ADAM19: variants seen among roughly 807,000 people sequenced by gnomAD.
The protein encoded by ADAM19 is ADAM metallopeptidase domain 19, also known as disintegrin and metalloproteinase domain-containing protein 19.
ADAM19 carries 65 observed loss-of-function variants against 114.7 expected under a neutral mutation model. The observed-to-expected ratio is 0.57, with a 90% CI of 0.46 to 0.70. The LOEUF (loss-of-function observed/expected upper bound fraction) is 0.70. Ranked by LOEUF, ADAM19 falls within the 30% of genes least tolerant of loss-of-function variation. The pLI, the probability that ADAM19 is intolerant of heterozygous loss-of-function variation, is 0.00. For missense variants in ADAM19, 1,063 were observed against 1,204.7 expected, an observed-to-expected ratio of 0.88 and a Z score of 1.74; for synonymous variants, 466 against 460.5, an observed-to-expected ratio of 1.01 and a Z score of -0.15.
chr5:157,557,595 C>T (rs147835301), intron 3 of ADAM19, among the ~76,000 whole-genome samples: 1 of 152,232 alleles, frequency 6.6e-6, no homozygotes, highest in East Asian at 1.9e-4. Flanking sequence ...AACAGCATAA[C>T]CTGGGTAGCA....
intron 3 of ADAM19, among the ~76,000 whole-genome samples, chr5:157,549,595 T>G (rs901535841): frequency 7.2e-5 from 11 of 152,234 alleles, no homozygotes; most frequent in African/African-American, 2.2e-4. Flanking sequence ...TCTTCCCCAG[T>G]CACAAATTCC....
rs1754681175 is a variant in ADAM19, at chr5:157,479,348, C to T, written c.*1601G>A. 2.0e-6 allele frequency: 2 copies of T among 986,042 alleles called. No homozygotes were observed. The highest frequency in any genetic ancestry group is 2.4e-6 in the Non-Finnish European group (2 of 830,114). 61.1% of individuals were successfully genotyped at this position (986,042 alleles called of 1,614,324 possible). A position where few individuals can be genotyped will look rare whatever the true frequency, so the allele number is the denominator to read the frequency against. ...TGGGGTGGTGAATCAGAAGCTCAGC[C>T]TCAGCCTTGCAGTGAGGTTTTCAAG... On this transcript the variant is annotated 3_prime_UTR_variant, in exon 23 of 23. Coordinates refer to ENST00000257527, the MANE Select transcript of ADAM19 (RefSeq NM_033274.5).
chr5:157,546,586 C>G (rs1375349300), intron 3 of ADAM19, among the ~76,000 whole-genome samples: 1 of 152,236 alleles, frequency 6.6e-6, no homozygotes, highest in Non-Finnish European at 1.5e-5. Flanking sequence ...CTCCAGTCTC[C>G]CTCCAAAGGA....
At chr5:157,564,532 A>G in intron 2 of ADAM19, 89 bp from the exon 3 acceptor site, 1 of 1,074,638 alleles carries the variant, frequency 9.3e-7, no homozygotes, top group Non-Finnish European at 1.4e-6. Flanking sequence ...GCGCTCCAAC[A>G]TTGATCCACA....
Position 157,477,824 on chromosome 5 carries a change from A to C in ADAM19, c.*3125T>G. On this transcript the variant is annotated 3_prime_UTR_variant, in exon 23 of 23. Coordinates refer to ENST00000257527, the MANE Select transcript of ADAM19 (RefSeq NM_033274.5). Reference sequence around the variant, plus strand: ...GTATTGCAGGAGGTGGGGAGGGGCTATTGCTTCAGGGGGAAGGGACTATGG... The same window carrying C: ...GTATTGCAGGAGGTGGGGAGGGGCTCTTGCTTCAGGGGGAAGGGACTATGG... 1 of 895,080 alleles carries C rather than the reference A, an allele frequency of 1.1e-6. No individual in the cohort carries two copies. The highest frequency in any genetic ancestry group is 1.4e-5 in the South Asian group (1 of 72,218). The allele number at this position is 895,080 out of a possible 1,614,324, so 55.4% of individuals were successfully genotyped here. A position where few individuals can be genotyped will look rare whatever the true frequency, so the allele number is the denominator to read the frequency against.
chr5:157,572,621 C>T lies in ADAM19; in HGVS notation c.95-1641G>A, dbSNP rs566609422. On this transcript the variant is annotated intron_variant, in intron 1 of 22. Transcript: ENST00000257527. ...GATTTTAAAAATAATCTTATTGGACCAACACCAATTCATCAGACAGGCAAA... is the reference window on the plus strand; with the variant it reads ...GATTTTAAAAATAATCTTATTGGACTAACACCAATTCATCAGACAGGCAAA... 7.2e-5 allele frequency among the ~76,000 whole-genome samples: 11 copies of T among 152,224 alleles called. No homozygotes were observed. The South Asian group carries it at 2.3e-3, about 32-fold the overall frequency.
chr5:157,568,473 A>G (rs1757731042), intron 2 of ADAM19: 2 of 152,088 alleles, frequency 1.3e-5, no homozygotes, highest in South Asian at 4.1e-4. Context: ...ATGAAACTCC[A>G]CTCTGTATTA....
At chr5:157,501,249 G>C (rs1755553173) in intron 12 of ADAM19, among the ~76,000 whole-genome samples, 1 of 152,068 alleles carries the variant, frequency 6.6e-6, no homozygotes, top group Non-Finnish European at 1.5e-5. Flanking sequence ...CCTGAAATGT[G>C]CCTTCCCTCC....
At chr5:157,494,483 T>C (rs1755285076) in intron 15 of ADAM19, among the ~76,000 whole-genome samples, 1 of 152,198 alleles carries the variant, frequency 6.6e-6, no homozygotes. Flanking sequence ...TAGGAAGCAC[T>C]GCCACCCACA....
chr5:157,496,829 G>A (rs1476550300), intron 14 of ADAM19, 65 bp downstream of exon 14: 9 of 1,427,354 alleles, frequency 6.3e-6, no homozygotes, highest in Non-Finnish European at 8.4e-6. Flanking sequence ...CTACCCTGAG[G>A]GCCAGGGGAG....
At chr5:157,548,226 T>A (rs1476590030) in intron 3 of ADAM19, among the ~76,000 whole-genome samples, 1 of 152,166 alleles carries the variant, frequency 6.6e-6, no homozygotes. Flanking sequence ...CCCATGTTCC[T>A]ACAGTACCCT....
At chr5:157,534,401 G>A (rs1026916231) in intron 4 of ADAM19, among the ~76,000 whole-genome samples, 10 of 152,356 alleles carry the variant, frequency 6.6e-5, no homozygotes, top group Non-Finnish European at 1.3e-4. Context: ...CCGGGAGGCA[G>A]AGGTTGCATT....
At chr5:157,574,548 AC>A (rs1227452733) in intron 1 of ADAM19, among the ~76,000 whole-genome samples, 14 of 151,780 alleles carry the variant, frequency 9.2e-5, no homozygotes, top group Non-Finnish European at 1.0e-4. Context: ...CAGCCAGCCC[AC>A]CCTCGCTCCG....
intron 3 of ADAM19, among the ~76,000 whole-genome samples, chr5:157,546,709 C>T (rs1248435177): frequency 6.6e-6 from 1 of 152,164 alleles, no homozygotes; most frequent in African/African-American, 2.4e-5. Context: ...GCCCTCTCCC[C>T]GGGGAGACTG....
At chr5:157,543,324 T>C (rs1181240056) in intron 3 of ADAM19, among the ~76,000 whole-genome samples, 1 of 152,242 alleles carries the variant, frequency 6.6e-6, no homozygotes, top group Non-Finnish European at 1.5e-5. Context: ...AACAGACTAA[T>C]AATCACCATC....
rs114793731 is a variant in ADAM19, at chr5:157,539,568, C to T, written c.252-1577G>A. Among the ~76,000 whole-genome samples, 1,029 of 152,278 alleles carry T rather than the reference C, an allele frequency of 6.8e-3. 13 individuals are homozygous for T. Among genetic ancestry groups the T allele is most frequent in the African/African-American group, 0.024 (987 of 41,532 alleles). On this transcript the variant is annotated intron_variant, in intron 3 of 22. Coordinates refer to ENST00000257527, the MANE Select transcript of ADAM19 (RefSeq NM_033274.5). ...ATTGTCTCCTGTACTATGTCAAGGCCTTCAACTTCTCGCCTTGGACAAGAA... is the reference window on the plus strand; with the variant it reads ...ATTGTCTCCTGTACTATGTCAAGGCTTTCAACTTCTCGCCTTGGACAAGAA...
chr5:157,499,048 G>C (rs955308532), intron 13 of ADAM19, among the ~76,000 whole-genome samples: 1 of 152,090 alleles, frequency 6.6e-6, no homozygotes, highest in Non-Finnish European at 1.5e-5. Flanking sequence ...GTGGGCACCA[G>C]AGTCAGGGAA....
At chr5:157,552,947 C>G (rs1374215152) in intron 3 of ADAM19, among the ~76,000 whole-genome samples, 2 of 152,108 alleles carry the variant, frequency 1.3e-5, no homozygotes, top group Non-Finnish European at 2.9e-5. Context: ...ACAGAAAGAT[C>G]AACATCCCAT....
chr5:157,523,119 T>G (rs978463420), intron 5 of ADAM19, among the ~76,000 whole-genome samples: 8 of 152,148 alleles, frequency 5.3e-5, no homozygotes, highest in African/African-American at 1.9e-4. Flanking sequence ...TTAAGGGCAG[T>G]GTGGGCTCCA....
Sources: gnomAD v4.1 joint callset for allele counts (sites outside exome capture counted in the v4.1 genomes callset) on GRCh38, gnomAD v4.1.1 for gene constraint, MANE v1.5 for transcripts, NCBI Gene and HGNC (gene_info 2026-07-23, HGNC 2026-07-21) for gene names.